The following ABCA13 variants were observed in gnomAD, a reference collection of about 807,000 sequenced individuals.
ABCA13 encodes ATP binding cassette subfamily A member 13.
In ABCA13, 476 loss-of-function variants were observed where a neutral mutation model predicts 478.7. The ratio of observed to expected loss-of-function variants is 0.99; its 90% CI spans 0.92 to 1.07. The LOEUF (loss-of-function observed/expected upper bound fraction) is 1.07, where lower values mean the gene tolerates loss of function less well. Ranked by LOEUF, ABCA13 falls within the 50% of genes least tolerant of loss-of-function variation. The pLI is 0.00. For synonymous variants in ABCA13, 2,252 were observed against 2,158.9 expected (o/e 1.04, Z -1.20); for missense variants, 6,060 against 5,910.6 (o/e 1.03, Z -0.83).
At chr7:48,372,721 C>T (rs1812850416) in intron 33 of ABCA13, among the ~76,000 whole-genome samples, 1 of 152,160 alleles carries the variant, frequency 6.6e-6, no homozygotes, top group Non-Finnish European at 1.5e-5. Context: ...TTTTACATAA[C>T]AGAGACTTTC....
intron 1 of ABCA13, among the ~76,000 whole-genome samples, chr7:48,179,974 G>A (rs1795444948): frequency 6.6e-6 from 1 of 152,038 alleles, no homozygotes. Flanking sequence ...GGAAGGGTGG[G>A]TAACTCGCAC....
At chr7:48,520,351 G>C (rs189514172) in intron 53 of ABCA13, 57 bp downstream of exon 53, 1,054 of 1,511,700 alleles carry the variant, frequency 7.0e-4, no homozygotes, top group Non-Finnish European at 7.7e-4. Flanking sequence ...ATGAGAGGAA[G>C]AGAAAAATTC....
chr7:48,633,790 G>A lies in ABCA13; in HGVS notation c.14838-9498G>A, dbSNP rs139708148. Among the ~76,000 whole-genome samples, 1,309 of 152,092 alleles carry A rather than the reference G, an allele frequency of 8.6e-3. 19 individuals are homozygous for A. Among genetic ancestry groups the A allele is most frequent in the African/African-American group, 0.029 (1,220 of 41,506 alleles). ...TATAATCCCAGCTACTTGGGAGGTT[G>A]AGGCAGGAGAATCACCTTAACCTGG... On this transcript the variant is annotated intron_variant, in intron 59 of 61. Transcript: ENST00000435803.
At chr7:48,458,991 T>C (rs749030974) in intron 43 of ABCA13, among the ~76,000 whole-genome samples, 4 of 152,174 alleles carry the variant, frequency 2.6e-5, no homozygotes, top group Non-Finnish European at 5.9e-5. Flanking sequence ...TGGTCAGCCA[T>C]TCATGACCCA....
In ABCA13 at chr7:48,603,237, A is replaced by G. The variant is rs911472741; in HGVS notation, c.14744+8424A>G. On this transcript the variant is annotated intron_variant, in intron 58 of 61. Transcript: ENST00000435803. Reference sequence around the variant, plus strand: ...ATGCTTTATTTCTTTCTCTTGCCTGATAGCCCTGGCCAGAACTTTCAACAC... The same window carrying G: ...ATGCTTTATTTCTTTCTCTTGCCTGGTAGCCCTGGCCAGAACTTTCAACAC... 2.6e-5 allele frequency among the ~76,000 whole-genome samples: 4 copies of G among 152,126 alleles called. 1 individual carries two copies. The highest frequency in any genetic ancestry group is 5.9e-5 in the Non-Finnish European group (4 of 68,034).
intron 7 of ABCA13, among the ~76,000 whole-genome samples, chr7:48,232,961 T>C (rs1370116641): frequency 2.0e-5 from 3 of 152,192 alleles, no homozygotes; most frequent in Non-Finnish European, 2.9e-5. Flanking sequence ...AGACCTCCCA[T>C]GGTGTATTCT....
Position 48,594,747 on chromosome 7 carries a change from G to A in ABCA13, c.14678G>A (p.Arg4893Gln), listed in dbSNP as rs563046033. 171 of 1,613,912 alleles carry A rather than the reference G, an allele frequency of 1.1e-4. No individual in the cohort carries two copies. Among genetic ancestry groups the A allele is most frequent in the East Asian group, 4.0e-4 (18 of 44,874 alleles). The stretch of plus-strand genomic sequence containing the variant: ...TCTGGGATGGATCCCTGCTCTAAGC[G>A]GTACCTGTGGCAAACAATAATGAAG... The part of the protein sequence containing the change: ...PSSGMDPCSK[R>Q]YLWQTIMKEV... Residue 4893 changes from arginine to glutamine, a missense_variant, in exon 58 of 62, where the codon CGG becomes CAG. Physicochemically the swap from Arg to Gln is conservative, Grantham distance 43. Coordinates refer to ENST00000435803, the MANE Select transcript of ABCA13 (RefSeq NM_152701.5).
At chr7:48,575,421 T>C (rs938920123) in intron 55 of ABCA13, among the ~76,000 whole-genome samples, 5 of 152,176 alleles carry the variant, frequency 3.3e-5, no homozygotes, top group Non-Finnish European at 5.9e-5. Flanking sequence ...TAGGAGAATA[T>C]GGATGTAATA....
At chr7:48,614,951 G>C (rs1375617972) in intron 58 of ABCA13, among the ~76,000 whole-genome samples, 2 of 148,610 alleles carry the variant, frequency 1.3e-5, no homozygotes, top group African/African-American at 2.5e-5. Flanking sequence ...CGAGTTAATG[G>C]GTGCAGCACA....
At position 48,367,325 on chromosome 7, in the gene ABCA13, A is replaced by G. The variant is rs138354168; in HGVS notation, c.10689-469A>G. ...CATTTCAAGTGTATATTAGAAATGGAGCCCAGTTAGAGTGGGTTGAAATAT... is the reference window on the plus strand; with the variant it reads ...CATTTCAAGTGTATATTAGAAATGGGGCCCAGTTAGAGTGGGTTGAAATAT... On this transcript the variant is annotated intron_variant, in intron 31 of 61. Transcript: ENST00000435803. 8.1e-3 allele frequency among the ~76,000 whole-genome samples: 1,227 copies of G among 152,310 alleles called. 18 individuals carry two copies. Among genetic ancestry groups the G allele is most frequent in the African/African-American group, 0.028 (1,180 of 41,562 alleles).
intron 24 of ABCA13, among the ~76,000 whole-genome samples, chr7:48,312,690 A>T (rs917208948): frequency 2.6e-5 from 4 of 152,250 alleles, no homozygotes; most frequent in Non-Finnish European, 5.9e-5. Context: ...TGCTATGAAT[A>T]CTGTAAAGCA....
chr7:48,274,119 A>G lies in ABCA13; in HGVS notation c.4453A>G (p.Lys1485Glu). ...AGTCTTTGAAAAAGAGAAGAAACCT[A>G]AATTTGAGATTTTATTAGCTCTTTT... ...TTVFEKEKKPKFEILLALLND... is the reference protein window; with the variant it reads ...TTVFEKEKKPEFEILLALLND... Residue 1485 changes from lysine to glutamate, a missense_variant, in exon 17 of 62, where the codon AAA (lysine) becomes GAA (glutamate). By Grantham distance (56) the Lys-to-Glu change is moderately conservative. This residue lies in a region of ABCA13 where 4,423 missense variants were observed against 4,309.1 expected (regional missense o/e 1.03). Coordinates refer to ENST00000435803, the MANE Select transcript of ABCA13 (RefSeq NM_152701.5). 3 of 1,607,182 alleles carry G rather than the reference A, an allele frequency of 1.9e-6. No individual in the cohort carries two copies. The highest frequency in any genetic ancestry group is 2.5e-6 in the Non-Finnish European group (3 of 1,176,496).
chr7:48,411,280 CTCCT>C (rs1185734679), intron 40 of ABCA13, among the ~76,000 whole-genome samples: 9 of 81,440 alleles, frequency 1.1e-4, no homozygotes, highest in African/African-American at 4.5e-4. Context: ...TCCCTCCCTC[CTCCT>C]TCCTTCCTTC....
chr7:48,393,113 C>G lies in ABCA13; in HGVS notation c.11873+974C>G, dbSNP rs753283043. Among the ~76,000 whole-genome samples, 3 of 152,154 alleles carry G rather than the reference C, an allele frequency of 2.0e-5. 1 individual carries two copies. Among genetic ancestry groups the G allele is most frequent in the Admixed American group, 1.3e-4 (2 of 15,276 alleles). ...TTAGACCAGAGGTAAAAGGGAGAGA[C>G]AGTAGGTTCCTGATTAGAGAACAAA... On this transcript the variant is annotated intron_variant, in intron 38 of 61. Transcript: ENST00000435803.
chr7:48,461,057 G>T (rs1258565239), intron 43 of ABCA13, among the ~76,000 whole-genome samples: 2 of 152,192 alleles, frequency 1.3e-5, no homozygotes, highest in Non-Finnish European at 2.9e-5. Context: ...GTAATTCAGT[G>T]AGAGGACGAA....
chr7:48,240,968 G>A lies in ABCA13; in HGVS notation c.1164G>A (p.Lys388=). Residue 388 remains lysine (K), a synonymous_variant, in exon 10 of 62, where the codon AAG becomes AAA. Coordinates refer to ENST00000435803, the MANE Select transcript of ABCA13 (RefSeq NM_152701.5). ...ALRNQFEEES[K]PWKVVEALHT... is the part of the protein sequence containing the mutation. Reference sequence around the variant, plus strand: ...GGAATCAGTTTGAAGAAGAGAGCAAGCCCTGGAAGGTGGTGGAAGCTCTGC... The same window carrying A: ...GGAATCAGTTTGAAGAAGAGAGCAAACCCTGGAAGGTGGTGGAAGCTCTGC... 6.2e-7 allele frequency: 1 copy of A among 1,613,890 alleles called. No homozygotes were observed. Among genetic ancestry groups the A allele is most frequent in the Non-Finnish European group, 8.5e-7 (1 of 1,179,782 alleles).
chr7:48,347,938 A>C (rs1184167335), intron 29 of ABCA13, among the ~76,000 whole-genome samples: 1 of 152,182 alleles, frequency 6.6e-6, no homozygotes, highest in African/African-American at 2.4e-5. Context: ...GATGATTATC[A>C]TTTCCCTTCC....
chr7:48,517,148 T>G lies in ABCA13; in HGVS notation c.13797+267T>G, dbSNP rs183105845. Among the ~76,000 whole-genome samples, 294 of 152,316 alleles carry G rather than the reference T, an allele frequency of 1.9e-3. 2 individuals are homozygous for G. The highest frequency in any genetic ancestry group is 6.6e-3 in the African/African-American group (275 of 41,570). On this transcript the variant is annotated intron_variant, in intron 52 of 61. Transcript: ENST00000435803. ...TCTTGAGGGTAGAGCCATGAAGATG[T>G]TCACTGCCGCATCCCTAGCATTTTC...
chr7:48,338,750 T>G (rs1479347948), intron 29 of ABCA13, among the ~76,000 whole-genome samples: 1 of 152,228 alleles, frequency 6.6e-6, no homozygotes, highest in African/African-American at 2.4e-5. Context: ...CAAAACAAGT[T>G]TATAAAAGAA....
Sources: gnomAD v4.1 joint callset for allele counts (sites outside exome capture counted in the v4.1 genomes callset) on GRCh38, gnomAD v4.1.1 for gene constraint, gnomAD v4.1.1 regional missense constraint, MANE v1.5 for transcripts, NCBI Gene and HGNC (gene_info 2026-07-23, HGNC 2026-07-21) for gene names.